The following PHTF1 variants were observed in gnomAD, a reference collection of about 807,000 sequenced individuals.
PHTF1 encodes the protein protein PHTF1.
Under a neutral mutation model 102.4 loss-of-function variants are expected in PHTF1, and 88 were observed. That is an observed-to-expected ratio of 0.86 (90% confidence interval 0.72 to 1.03). The LOEUF (loss-of-function observed/expected upper bound fraction) is 1.03. PHTF1 is among the 50% of genes least tolerant of loss of function. The pLI is 0.00. For synonymous variants in PHTF1, 289 were observed against 305.2 expected (o/e 0.95, Z 0.55); for missense variants, 814 against 909.5 (o/e 0.89, Z 1.35).
chr1:113,698,386 T>G lies in PHTF1; in HGVS notation c.2144A>C (p.Glu715Ala), dbSNP rs1649034442. 1.9e-6 allele frequency: 3 copies of G among 1,610,312 alleles called. No individual in the cohort carries two copies. Among genetic ancestry groups the G allele is most frequent in the Non-Finnish European group, 2.5e-6 (3 of 1,178,150 alleles). Residue 715 changes from glutamate (E) to alanine (A), a missense_variant and splice_region_variant, in exon 18 of 19, where the codon GAG (glutamate) becomes GCG (alanine). Coordinates refer to ENST00000369604, the MANE Select transcript of PHTF1 (RefSeq NM_001323043.2). ...VLKLSTKLLK[E>A]LDTPFRLYGL... ...ATAGAGTCTAAATGGTGTGTCCAGC[T>G]CCTACAAAAAACATCAAAGAATTGA...
chr1:113,741,231 A>G (rs1246872506), intron 3 of PHTF1, among the ~76,000 whole-genome samples: 1 of 152,180 alleles, frequency 6.6e-6, no homozygotes, highest in African/African-American at 2.4e-5. Flanking sequence ...TGAATCTTAT[A>G]TATTTCTATT....
In PHTF1 at chr1:113,724,771, ATAGTC is replaced by A. The variant is rs1653560476; in HGVS notation, c.606_610del (p.Glu202AspfsTer7). 1 of 1,598,260 alleles carries A rather than the reference ATAGTC, an allele frequency of 6.3e-7. No homozygotes were observed. Among genetic ancestry groups the A allele is most frequent in the Non-Finnish European group, 8.5e-7 (1 of 1,175,634 alleles). On this transcript the variant is annotated frameshift_variant, in exon 7 of 19. Transcript: ENST00000369604. LOFTEE classifies it high-confidence loss of function. Reference sequence around the variant, plus strand: ...AAAAGACTCCCACCTGTTGCCAAAGATAGTCTCCCAAAAACCACCAATAATGGGTA... The same window carrying A: ...AAAAGACTCCCACCTGTTGCCAAAGATCCCAAAAACCACCAATAATGGGTA...
chr1:113,704,796 C>A lies in PHTF1; in HGVS notation c.1673G>T (p.Arg558Ile), dbSNP rs983009168. Residue 558 changes from arginine to isoleucine, a missense_variant and splice_region_variant, in exon 14 of 19, where the codon AGA becomes ATA. Coordinates refer to ENST00000369604, the MANE Select transcript of PHTF1 (RefSeq NM_001323043.2). ...GCTGAAGAGTTTTGCAAATAAAAAT[C>A]TCTAGAAGAGATTTAAAAAAAATCA... ...MCVAERTYKQRFLFAKLFSHI... is the reference protein window; with the variant it reads ...MCVAERTYKQIFLFAKLFSHI... 27 of 1,579,802 alleles carry A rather than the reference C, an allele frequency of 1.7e-5. No individual in the cohort carries two copies. In the East Asian group the frequency reaches 6.1e-4, roughly 36 times the overall value.
At chr1:113,704,449 G>A (rs149410280) in intron 14 of PHTF1, among the ~76,000 whole-genome samples, 138 of 152,194 alleles carry the variant, frequency 9.1e-4, no homozygotes, top group Middle Eastern at 3.4e-3. Context: ...TTGCCCCTAG[G>A]AAATTTAGAT....
intron 15 of PHTF1, among the ~76,000 whole-genome samples, chr1:113,702,997 G>A (rs1424261595): frequency 1.3e-5 from 2 of 152,156 alleles, no homozygotes; most frequent in East Asian, 1.9e-4. Context: ...AAAGTCAACT[G>A]CCCAAAAAGA....
intron 17 of PHTF1, chr1:113,699,383 G>T: frequency 4.3e-6 from 2 of 468,450 alleles, no homozygotes; most frequent in South Asian, 3.7e-5. Context: ...CCTCAATGGT[G>T]ACAAATGCCT....
At chr1:113,745,594 T>C (rs995943358) in intron 3 of PHTF1, among the ~76,000 whole-genome samples, 6 of 152,168 alleles carry the variant, frequency 3.9e-5, no homozygotes, top group African/African-American at 1.2e-4. Context: ...AGGGAAGCTT[T>C]ATCTGTATTT....
chr1:113,757,721 G>A lies in PHTF1; in HGVS notation c.80C>T (p.Ser27Leu). 6.2e-7 allele frequency: 1 copy of A among 1,608,522 alleles called. No homozygotes were observed. Among genetic ancestry groups the A allele is most frequent in the Non-Finnish European group, 8.5e-7 (1 of 1,174,928 alleles). Residue 27 changes from serine to leucine, a missense_variant, in exon 3 of 19, where the codon TCA becomes TTA. Transcript: ENST00000369604. ...TACCTTAATCTGAGTCTGTTCGATT[G>A]ACTTTTCCCATATCTGCTGATCGTA... Reference protein sequence around the residue: ...GAYDQQIWEKSIEQTQIKGLK... With the variant: ...GAYDQQIWEKLIEQTQIKGLK...
At position 113,706,003 on chromosome 1, in the gene PHTF1, C is replaced by A. The variant is rs145965579; in HGVS notation, c.1558G>T (p.Ala520Ser). 9.9e-6 allele frequency: 16 copies of A among 1,613,750 alleles called. No homozygotes were observed. The highest frequency in any genetic ancestry group is 1.7e-5 in the Admixed American group (1 of 59,988). ...AEEILTLFCG[A>S]PPVTPIIVLS... is the part of the protein sequence containing the mutation. ...ACAATAATAGGTGTAACAGGTGGTGCCCCACAAAAGAGAGTCAAGATCTCC... is the reference window on the plus strand; with the variant it reads ...ACAATAATAGGTGTAACAGGTGGTGACCCACAAAAGAGAGTCAAGATCTCC... The change falls in exon 13 of 19, where the codon GCA (alanine) becomes TCA (serine). Residue 520 changes from alanine (A) to serine (S), a missense_variant. Physicochemically the swap from Ala to Ser is moderately conservative, Grantham distance 99. Coordinates refer to ENST00000369604, the MANE Select transcript of PHTF1 (RefSeq NM_001323043.2).
chr1:113,724,693 G>A, intron 7 of PHTF1, 66 bp downstream of exon 7: 2 of 1,286,048 alleles, frequency 1.6e-6, no homozygotes, highest in South Asian at 3.0e-5. Flanking sequence ...TACTCCTATG[G>A]CCTGATGATA....
rs561101085 is a variant in PHTF1, at chr1:113,713,266, A to G, written c.783+13T>C. On this transcript the variant is annotated intron_variant, in intron 8 of 18. Coordinates refer to ENST00000369604, the MANE Select transcript of PHTF1 (RefSeq NM_001323043.2). ...GGGAAAAAAACCCCTTGTTAAATCC[A>G]TCTAAATCTTACCCTACGGCACTTT... 7 of 1,611,506 alleles carry G rather than the reference A, an allele frequency of 4.3e-6. No individual in the cohort carries two copies. Among genetic ancestry groups the G allele is most frequent in the Non-Finnish European group, 5.1e-6 (6 of 1,178,046 alleles).
intron 7 of PHTF1, among the ~76,000 whole-genome samples, chr1:113,721,000 G>A (rs977795377): frequency 5.3e-5 from 8 of 152,162 alleles, no homozygotes; most frequent in African/African-American, 1.2e-4. Flanking sequence ...CAGCTACATG[G>A]GGGACTCACA....
At position 113,724,890 on chromosome 1, in the gene PHTF1, T is replaced by C; in HGVS notation, c.492A>G (p.Lys164=). Residue 164 remains lysine, a synonymous_variant, in exon 7 of 19, where the codon AAA becomes AAG. Transcript: ENST00000369604. ...SGNNGNRRRR[K]LRKTVNGDGS... ...CATCACCATTTACAGTTTTTCGTAA[T>C]TTTCTACAAAAAAAAATTTCAATAA... 6.3e-7 allele frequency: 1 copy of C among 1,588,468 alleles called. No homozygotes were observed. The highest frequency in any genetic ancestry group is 2.2e-5 in the East Asian group (1 of 44,624).
At chr1:113,743,474 T>A (rs1423780466) in intron 3 of PHTF1, among the ~76,000 whole-genome samples, 1 of 152,162 alleles carries the variant, frequency 6.6e-6, no homozygotes, top group Non-Finnish European at 1.5e-5. Context: ...GATTTTTTTT[T>A]AATAAATAGA....
At position 113,724,783 on chromosome 1, in the gene PHTF1, A is replaced by G; in HGVS notation, c.599T>C (p.Phe200Ser). Residue 200 changes from phenylalanine to serine, a missense_variant, in exon 7 of 19, where the codon TTT (phenylalanine) becomes TCT (serine). Phe to Ser is a radical substitution (Grantham distance 155, BLOSUM62 -2). Coordinates refer to ENST00000369604, the MANE Select transcript of PHTF1 (RefSeq NM_001323043.2). ...TLESVPIIGG[F>S]WETIFGNRIK... ...CCTGTTGCCAAAGATAGTCTCCCAA[A>G]AACCACCAATAATGGGTACAGATTC... The G allele has an allele frequency of 6.2e-7, 1 of 1,602,830 alleles. No individual in the cohort carries two copies. The highest frequency in any genetic ancestry group is 2.2e-5 in the East Asian group (1 of 44,782).
At chr1:113,739,429 C>T (rs1656006842) in intron 3 of PHTF1, among the ~76,000 whole-genome samples, 1 of 152,152 alleles carries the variant, frequency 6.6e-6, no homozygotes, top group African/African-American at 2.4e-5. Context: ...AAACAAATAA[C>T]TTCCATCTTT....
intron 3 of PHTF1, among the ~76,000 whole-genome samples, chr1:113,740,607 T>G (rs1159303075): frequency 6.6e-6 from 1 of 152,220 alleles, no homozygotes; most frequent in Non-Finnish European, 1.5e-5. Context: ...TTACCTGTGC[T>G]TCTGAGGTCT....
At chr1:113,722,861 A>G (rs568389728) in intron 7 of PHTF1, among the ~76,000 whole-genome samples, 18 of 151,550 alleles carry the variant, frequency 1.2e-4, no homozygotes, top group Non-Finnish European at 2.4e-4. Flanking sequence ...CAGAGGTTGC[A>G]GTGAGCCGAG....
intron 17 of PHTF1, 39 bp from the exon 18 acceptor site, chr1:113,698,426 T>G: frequency 1.9e-6 from 3 of 1,583,176 alleles, no homozygotes; most frequent in Non-Finnish European, 2.6e-6. Context: ...AGATACATGT[T>G]TTCTCATAGC....
Sources: allele counts gnomAD v4.1 joint callset (sites outside exome capture counted in the v4.1 genomes callset), GRCh38; gene constraint gnomAD v4.1.1; transcripts MANE v1.5; gene names NCBI Gene and HGNC (gene_info 2026-07-23, HGNC 2026-07-21).